Variants in MORC4 observed in about 807,000 individuals in gnomAD.
The protein encoded by MORC4 is MORC family CW-type zinc finger protein 4.
Under a neutral mutation model 65.5 loss-of-function variants are expected in MORC4, and 22 were observed. That is an observed-to-expected ratio of 0.34 (90% confidence interval 0.24 to 0.48). The LOEUF (loss-of-function observed/expected upper bound fraction) is 0.48. MORC4 is among the 20% of genes least tolerant of loss of function. MORC4 has a pLI of 0.99. For synonymous variants in MORC4, 267 were observed against 255.8 expected (o/e 1.04, Z -0.42); for missense variants, 624 against 703.0 (o/e 0.89, Z 1.27).
intron 7 of MORC4, among the ~76,000 whole-genome samples, chrX:106,979,570 A>G (rs777821846): frequency 9.0e-6 from 1 of 111,242 alleles, no homozygotes; most frequent in Admixed American, 9.6e-5. Flanking sequence ...CTTGTTCCTC[A>G]GTGACCTTGG....
At position 106,955,080 on chromosome X, in the gene MORC4, A is replaced by G; in HGVS notation, c.1518T>C (p.Ser506=). 1 of 1,185,213 alleles carries G rather than the reference A, an allele frequency of 8.4e-7. No individual in the cohort carries two copies. The highest frequency in any genetic ancestry group is 1.1e-6 in the Non-Finnish European group (1 of 880,228). The change falls in exon 14 of 17, where the codon AGT becomes AGC. Residue 506 remains serine (S), a synonymous_variant. Transcript: ENST00000355610. ...PMENENHQVF[S]NPPKILTVQE... ...GAACAGTAAGGATCTTTGGTGGATT[A>G]CTGAATACCTATAAAAGACAGAAAT...
At chrX:106,992,375 C>T (rs1934999781) in intron 3 of MORC4, among the ~76,000 whole-genome samples, 1 of 112,235 alleles carries the variant, frequency 8.9e-6, no homozygotes, top group South Asian at 3.7e-4. Context: ...CATTGTTACT[C>T]GTGCTTCACA....
intron 3 of MORC4, among the ~76,000 whole-genome samples, chrX:106,992,131 T>G (rs1435711113): frequency 1.8e-5 from 2 of 112,184 alleles, no homozygotes; most frequent in Non-Finnish European, 3.8e-5. Context: ...GAGGTTTTCC[T>G]CAAATAGTCT....
intron 9 of MORC4, among the ~76,000 whole-genome samples, chrX:106,966,403 G>A (rs747754453): frequency 3.5e-4 from 39 of 112,523 alleles, no homozygotes; most frequent in Non-Finnish European, 6.6e-4. Flanking sequence ...ATTTCCAACT[G>A]AGGTACCTGG....
chrX:106,978,246 G>A (rs1434051941), intron 7 of MORC4, 47 bp from the exon 8 acceptor site: 1 of 1,157,679 alleles, frequency 8.6e-7, no homozygotes, highest in East Asian at 3.1e-5. Context: ...GGGCTTCAAC[G>A]ACAAAATTTT....
At chrX:106,971,033 G>A (rs1378322666) in intron 9 of MORC4, among the ~76,000 whole-genome samples, 5 of 111,723 alleles carry the variant, frequency 4.5e-5, no homozygotes, top group Non-Finnish European at 9.4e-5. Context: ...GAAGAACAAA[G>A]CTGGAGGCAT....
At chrX:106,978,264 A>AT in intron 7 of MORC4, 65 bp from the exon 8 acceptor site, 2 of 1,086,756 alleles carry the variant, frequency 1.8e-6, no homozygotes, top group Non-Finnish European at 2.5e-6. Context: ...TTTACACCAT[A>AT]TTATAGCAAA....
rs1416727688 is a variant in MORC4 at position 107,000,205 on chromosome X, C to G, written c.-236G>C. The G allele has an allele frequency of 4.9e-5, 6 of 121,562 alleles. No homozygotes were observed. The highest frequency in any genetic ancestry group is 1.0e-4 in the Non-Finnish European group (6 of 59,103). 10.0% of individuals were successfully genotyped at this position (121,562 alleles called of 1,213,427 possible). ...CGCCCTGTCAGCACCTCTACCGACCCGGCGACTGCCCGGGCTGCCTCTGGG... is the reference window on the plus strand; with the variant it reads ...CGCCCTGTCAGCACCTCTACCGACCGGGCGACTGCCCGGGCTGCCTCTGGG... On this transcript the variant is annotated 5_prime_UTR_variant, in exon 1 of 17. Transcript: ENST00000355610.
At chrX:106,981,084 T>G in intron 6 of MORC4, 65 bp from the exon 7 acceptor site, 1 of 1,139,417 alleles carries the variant, frequency 8.8e-7, no homozygotes, top group Non-Finnish European at 1.2e-6. Context: ...GACATCCCCA[T>G]AAAACACTGC....
intron 14 of MORC4, among the ~76,000 whole-genome samples, chrX:106,944,061 T>A (rs1345310679): frequency 3.6e-5 from 4 of 112,624 alleles, no homozygotes; most frequent in African/African-American, 1.3e-4. Flanking sequence ...TCCTTCTGGA[T>A]AACCAAGACA....
intron 4 of MORC4, among the ~76,000 whole-genome samples, chrX:106,985,517 T>C (rs1260825197): frequency 8.9e-6 from 1 of 112,069 alleles, no homozygotes; most frequent in Admixed American, 9.4e-5. Context: ...TTGGAAGCAA[T>C]AAGTTAAAAC....
At chrX:106,953,658 T>C (rs1264425083) in intron 14 of MORC4, among the ~76,000 whole-genome samples, 1 of 111,562 alleles carries the variant, frequency 9.0e-6, no homozygotes, top group Non-Finnish European at 1.9e-5. Context: ...ATTGGTTTTT[T>C]GTTTTTTTTT....
At chrX:106,976,555 G>A (rs1934628615) in intron 9 of MORC4, 29 bp downstream of exon 9, 2 of 980,828 alleles carry the variant, frequency 2.0e-6, no homozygotes, top group Non-Finnish European at 1.4e-6. Context: ...ACAAACTAAC[G>A]GAAGCACCTC....
At chrX:106,942,475 C>T in intron 15 of MORC4, 40 bp downstream of exon 15, 2 of 1,132,640 alleles carry the variant, frequency 1.8e-6, no homozygotes, top group East Asian at 3.0e-5. Context: ...CCCTTGGTTA[C>T]TATGGTCTCT....
intron 9 of MORC4, among the ~76,000 whole-genome samples, chrX:106,969,936 C>T (rs187799662): frequency 9.0e-6 from 1 of 111,660 alleles, no homozygotes; most frequent in African/African-American, 3.3e-5. Context: ...GAAACTATTC[C>T]AATCAATAGA....
intron 7 of MORC4, among the ~76,000 whole-genome samples, chrX:106,979,701 CAT>C (rs373901278): frequency 3.1e-4 from 34 of 110,450 alleles, no homozygotes; most frequent in African/African-American, 1.0e-3. Context: ...GTCGAGGTAA[CAT>C]ATAGAATGCA....
chrX:106,977,509 A>C (rs760109281), intron 8 of MORC4, among the ~76,000 whole-genome samples: 7 of 111,930 alleles, frequency 6.3e-5, no homozygotes, highest in Non-Finnish European at 1.3e-4. Context: ...ATTTGTATAG[A>C]GTGGTTTAAA....
rs374994174 is a variant in MORC4 at position 106,942,690 on chromosome X, G to A, written c.2201C>T (p.Ser734Phe). 1.2e-5 allele frequency: 15 copies of A among 1,209,837 alleles called. No individual in the cohort carries two copies. The African/African-American group carries it at 2.3e-4, about 18-fold the overall frequency. The change falls in exon 15 of 17, where the codon TCT (serine) becomes TTT (phenylalanine). Residue 734 changes from serine to phenylalanine, a missense_variant. Physicochemically the swap from Ser to Phe is radical, Grantham distance 155. Coordinates refer to ENST00000355610, the MANE Select transcript of MORC4 (RefSeq NM_024657.5). ...AVESWNPVPYSVASAAIPAAA... is the reference protein window; with the variant it reads ...AVESWNPVPYFVASAAIPAAA... ...AGCAGGGATTGCAGCAGAGGCCACAGAATAAGGCACTGGGTTCCAGGATTC... is the reference window on the plus strand; with the variant it reads ...AGCAGGGATTGCAGCAGAGGCCACAAAATAAGGCACTGGGTTCCAGGATTC...
At chrX:106,985,723 G>A (rs1380969335) in intron 4 of MORC4, among the ~76,000 whole-genome samples, 1 of 110,635 alleles carries the variant, frequency 9.0e-6, no homozygotes, top group Non-Finnish European at 1.9e-5. Context: ...CCATGGGGTG[G>A]TGGTAGAGCA....
Sources: gnomAD v4.1 joint callset for allele counts (sites outside exome capture counted in the v4.1 genomes callset) on GRCh38, gnomAD v4.1.1 for gene constraint, MANE v1.5 for transcripts, NCBI Gene and HGNC (gene_info 2026-07-23, HGNC 2026-07-21) for gene names.